The following CCDC7 variants were observed in gnomAD, a reference collection of about 807,000 sequenced individuals.
CCDC7 encodes the protein coiled-coil domain-containing protein 7.
Under a neutral mutation model 196.9 loss-of-function variants are expected in CCDC7, and 183 were observed. The observed-to-expected ratio is 0.93, with a 90% CI of 0.82 to 1.05. CCDC7 has a LOEUF of 1.05. Ranked by LOEUF, CCDC7 falls within the 50% of genes least tolerant of loss-of-function variation. The pLI, the probability that CCDC7 is intolerant of heterozygous loss-of-function variation, is 0.00. For missense variants in CCDC7, 1,540 were observed against 1,482.2 expected (o/e 1.04, Z -0.64); for synonymous variants, 525 against 484.6 (o/e 1.08, Z -1.10).
chr10:32,865,090 G>A (rs553948609), intron 41 of CCDC7, among the ~76,000 whole-genome samples: 4 of 151,858 alleles, frequency 2.6e-5, no homozygotes, highest in South Asian at 2.1e-4. Context: ...AAGTAAGCTC[G>A]ATAATTAGAC....
intron 11 of CCDC7, among the ~76,000 whole-genome samples, chr10:32,521,943 C>T (rs1361845743): frequency 2.6e-5 from 4 of 152,204 alleles, no homozygotes; most frequent in East Asian, 3.9e-4. Flanking sequence ...GCCTTTTCAG[C>T]GTCAATTGAA....
intron 5 of CCDC7, among the ~76,000 whole-genome samples, chr10:32,468,067 G>A (rs2037208808): frequency 6.6e-6 from 1 of 151,984 alleles, no homozygotes; most frequent in African/African-American, 2.4e-5. Context: ...TGGCTCTTTG[G>A]GCTCTTTTTT....
At chr10:32,464,981 T>A (rs897597019) in intron 5 of CCDC7, among the ~76,000 whole-genome samples, 1 of 152,206 alleles carries the variant, frequency 6.6e-6, no homozygotes, top group African/African-American at 2.4e-5. Context: ...TTAAAAAAAT[T>A]ATTTTGTATG....
intron 18 of CCDC7, among the ~76,000 whole-genome samples, chr10:32,613,959 T>C (rs2062475115): frequency 6.6e-6 from 1 of 152,210 alleles, no homozygotes; most frequent in Admixed American, 6.5e-5. Context: ...AAGTCCTGAA[T>C]ATCCTTGTTA....
chr10:32,507,869 G>A (rs543320564), intron 9 of CCDC7, among the ~76,000 whole-genome samples: 1 of 152,224 alleles, frequency 6.6e-6, no homozygotes, highest in South Asian at 2.1e-4. Flanking sequence ...GGTATACAAG[G>A]AATTTTCCCC....
chr10:32,589,355 C>T (rs2059577151), intron 18 of CCDC7, among the ~76,000 whole-genome samples: 2 of 152,020 alleles, frequency 1.3e-5, no homozygotes, highest in Non-Finnish European at 2.9e-5. Context: ...CTGAATAGTC[C>T]TCCATTGTGT....
At chr10:32,795,298 AT>A (rs1412480139) in intron 29 of CCDC7, among the ~76,000 whole-genome samples, 1 of 151,884 alleles carries the variant, frequency 6.6e-6, no homozygotes, top group Admixed American at 6.6e-5. Context: ...TGTATTTTCA[AT>A]TAGGTTTTCT....
rs115732001 is a variant in CCDC7, at chr10:32,622,838, A to G, written c.1802-11416A>G. Among the ~76,000 whole-genome samples, 256 of 152,308 alleles carry G rather than the reference A, an allele frequency of 1.7e-3. 3 individuals are homozygous for G. Among genetic ancestry groups the G allele is most frequent in the African/African-American group, 5.8e-3 (242 of 41,566 alleles). On this transcript the variant is annotated intron_variant, in intron 18 of 41. Transcript: ENST00000639629. ...ATTGCAAACTGTTACAGGGTTAGCA[A>G]TAATTATTTCTATGATAATAAGTTT...
chr10:32,460,062 AC>A (rs1247382282), intron 3 of CCDC7, among the ~76,000 whole-genome samples: 23 of 152,302 alleles, frequency 1.5e-4, no homozygotes, highest in Middle Eastern at 3.4e-3. Context: ...TAAGTATATG[AC>A]CTGGAGCAAG....
chr10:32,476,641 C>T (rs368297103), intron 8 of CCDC7, among the ~76,000 whole-genome samples: 2 of 152,186 alleles, frequency 1.3e-5, no homozygotes, highest in Admixed American at 6.5e-5. Flanking sequence ...GCCAAATAAG[C>T]GTGCAAAGGG....
rs76354961 is a variant in CCDC7 at position 32,722,191 on chromosome 10, C to T, written c.2570-4543C>T. 1.9e-3 allele frequency among the ~76,000 whole-genome samples: 282 copies of T among 152,200 alleles called. 8 individuals are homozygous for T. The East Asian group carries it at 0.05, about 27-fold the overall frequency. ...AGGTAAATTCATGGTCCCCATATAT[C>T]CCACCAAATGGCTCTAACTAGAGCA... On this transcript the variant is annotated intron_variant, in intron 25 of 41. Coordinates refer to ENST00000639629, the Ensembl canonical transcript of CCDC7.
intron 8 of CCDC7, among the ~76,000 whole-genome samples, chr10:32,489,845 A>G (rs1052415661): frequency 6.6e-6 from 1 of 151,978 alleles, no homozygotes; most frequent in Non-Finnish European, 1.5e-5. Context: ...GCCTGGGTAC[A>G]TATGGAAAGA....
chr10:32,879,806 T>C (rs1214937098), downstream of CCDC7, among the ~76,000 whole-genome samples: 3 of 150,422 alleles, frequency 2.0e-5, no homozygotes, highest in East Asian at 2.0e-4. Context: ...CCTGTGGTGA[T>C]TGGTTTTCTG....
At chr10:32,729,882 G>T (rs571876917) in intron 28 of CCDC7, among the ~76,000 whole-genome samples, 22 of 151,292 alleles carry the variant, frequency 1.5e-4, no homozygotes, top group African/African-American at 5.1e-4. Flanking sequence ...TCTTCCAGTT[G>T]GTATTTGCTT....
intron 29 of CCDC7, among the ~76,000 whole-genome samples, chr10:32,791,956 A>G (rs1397842451): frequency 6.6e-6 from 1 of 152,222 alleles, no homozygotes; most frequent in African/African-American, 2.4e-5. Flanking sequence ...AAGAATTTTT[A>G]AAACAGCAGG....
At position 32,834,817 on chromosome 10, in the gene CCDC7, A is replaced by T. The variant is rs764282575; in HGVS notation, c.3271A>T (p.Thr1091Ser). ...GAAAACCTGTTTTATTTTTATAGAG[A>T]CTGTCTTAAAACACTTGAAAGGTGT... Residue 1091 changes from threonine to serine, a missense_variant and splice_region_variant, in exon 33 of 42, where the codon ACT (threonine) becomes TCT (serine). By Grantham distance (58) the Thr-to-Ser change is moderately conservative. Coordinates refer to ENST00000639629, the Ensembl canonical transcript of CCDC7. 5.1e-6 allele frequency: 7 copies of T among 1,380,452 alleles called. No homozygotes were observed. In the Admixed American group the frequency reaches 1.1e-4, roughly 21 times the overall value. The allele number at this position is 1,380,452 out of a possible 1,614,324, so 85.5% of individuals were successfully genotyped here. A position where few individuals can be genotyped will look rare whatever the true frequency, so the allele number is the denominator to read the frequency against.
intron 12 of CCDC7, among the ~76,000 whole-genome samples, chr10:32,543,665 A>T (rs2051901897): frequency 1.3e-5 from 2 of 152,032 alleles, no homozygotes; most frequent in South Asian, 4.1e-4. Context: ...GGAAAAAAGC[A>T]TTTACATTGT....
At chr10:32,453,536 T>C (rs2033628815) in intron 2 of CCDC7, 100 bp downstream of exon 3, 1 of 752,302 alleles carries the variant, frequency 1.3e-6, no homozygotes, top group Non-Finnish European at 1.8e-6. Flanking sequence ...GGAGTACTTA[T>C]TATATCCTCA....
chr10:32,748,995 TG>T (rs2075259327), intron 28 of CCDC7, among the ~76,000 whole-genome samples: 1 of 152,320 alleles, frequency 6.6e-6, no homozygotes, highest in East Asian at 1.9e-4. Context: ...TCCCTATAAC[TG>T]AGCCTCCTTG....
Sources: allele counts gnomAD v4.1 joint callset (sites outside exome capture counted in the v4.1 genomes callset), GRCh38; gene constraint gnomAD v4.1.1; transcripts MANE v1.5; gene names NCBI Gene and HGNC (gene_info 2026-07-23, HGNC 2026-07-21).